The following OXTR variants were observed in gnomAD, a reference collection of about 807,000 sequenced individuals.
OXTR encodes the protein oxytocin receptor.
OXTR carries 19 observed loss-of-function variants against 23.9 expected under a neutral mutation model. The ratio of observed to expected loss-of-function variants is 0.80; its 90% CI spans 0.56 to 1.17. OXTR has a LOEUF of 1.17. Ranked by LOEUF, OXTR falls within the 50% of genes most tolerant of loss-of-function variation. The probability of loss-of-function intolerance (pLI) is 0.00; values close to 1 mark genes in which losing one functional copy is unlikely to be tolerated. For missense variants in OXTR, 500 were observed against 550.7 expected (o/e 0.91, Z 0.92); for synonymous variants, 278 against 250.5 (o/e 1.11, Z -1.04).
In OXTR at chr3:8,752,619, A is replaced by G. The variant is rs201214948; in HGVS notation, c.*358T>C. ...CCAGAACACTGGACTTCCTGACCCA[A>G]TTGGTCACCAATCCTATATTTACCG... is the stretch of plus-strand genomic sequence containing the variant. On this transcript the variant is annotated 3_prime_UTR_variant, in exon 4 of 4. Transcript: ENST00000316793. 6.6e-5 allele frequency: 14 copies of G among 210,866 alleles called. No homozygotes were observed. The East Asian group carries it at 1.6e-3, about 24-fold the overall frequency. The allele number at this position is 210,866 out of a possible 1,614,324, so 13.1% of individuals were successfully genotyped here.
At chr3:8,762,992 T>TG (rs1491148520) in intron 3 of OXTR, among the ~76,000 whole-genome samples, 8 of 152,200 alleles carry the variant, frequency 5.3e-5, no homozygotes, top group African/African-American at 7.2e-5. Flanking sequence ...TATCAATGAC[T>TG]GTGCAGCCTT....
rs1008634492 is a variant in OXTR at position 8,750,760 on chromosome 3, C to T, written c.*2217G>A. The T allele has an allele frequency of 6.6e-6, 1 of 152,214 alleles. No individual in the cohort carries two copies. Among genetic ancestry groups the T allele is most frequent in the Admixed American group, 6.5e-5 (1 of 15,280 alleles). The allele number at this position is 152,214 out of a possible 1,614,324, so 9.4% of individuals were successfully genotyped here. A position where few individuals can be genotyped will look rare whatever the true frequency, so the allele number is the denominator to read the frequency against. Reference sequence around the variant, plus strand: ...AATGTTCCATTGCGTGGACAGACCACATTTTATTTCCCATTCATCAGTTGG... The same window carrying T: ...AATGTTCCATTGCGTGGACAGACCATATTTTATTTCCCATTCATCAGTTGG... On this transcript the variant is annotated 3_prime_UTR_variant, in exon 4 of 4. Transcript: ENST00000316793.
the OXTR span, among the ~76,000 whole-genome samples, chr3:8,742,138 G>A: frequency 2.6e-5 from 4 of 152,168 alleles, no homozygotes; most frequent in Non-Finnish European, 4.4e-5. Context: ...TGCCTGAGCC[G>A]GGCCTTATAA....
At chr3:8,759,541 C>T (rs762029939) in intron 3 of OXTR, among the ~76,000 whole-genome samples, 137 of 152,322 alleles carry the variant, frequency 9.0e-4, no homozygotes, top group Non-Finnish European at 9.3e-4. Flanking sequence ...CCACCGCTGT[C>T]AGTATGTTGG....
In OXTR at chr3:8,753,133, G is replaced by A. The variant is rs781670255; in HGVS notation, c.1014C>T (p.His338=). The A allele has an allele frequency of 8.1e-6, 13 of 1,614,074 alleles. No individual in the cohort carries two copies. Among genetic ancestry groups the A allele is most frequent in the East Asian group, 4.5e-5 (2 of 44,886 alleles). Residue 338 remains histidine, a synonymous_variant, in exon 4 of 4, where the codon CAC becomes CAT. Transcript: ENST00000316793. ...IYMLFTGHLF[H]ELVQRFLCCS... ...AGCACAGGAAGCGCTGCACGAGTTC[G>A]TGGAAGAGGTGGCCCGTGAACAGCA...
chr3:8,769,203 C>G (rs994357449), intron 1 of OXTR, 28 bp downstream of exon 1: 1 of 152,434 alleles, frequency 6.6e-6, no homozygotes, highest in Non-Finnish European at 1.5e-5. Context: ...CTAGCCATCC[C>G]GTCCACCCCT....
At chr3:8,749,567 T>C (rs115964100), downstream of OXTR, among the ~76,000 whole-genome samples, 282 of 152,328 alleles carry the variant, frequency 1.9e-3, 1 homozygote, top group African/African-American at 6.2e-3. Context: ...AGCTCACCAG[T>C]GCTCCAGTAC....
At chr3:8,764,417 C>A (rs889889104) in intron 3 of OXTR, among the ~76,000 whole-genome samples, 1 of 152,340 alleles carries the variant, frequency 6.6e-6, no homozygotes, top group Non-Finnish European at 1.5e-5. Context: ...GATATTTCCG[C>A]ATCTAAATTC....
chr3:8,748,937 T>C (rs1274531941), downstream of OXTR, among the ~76,000 whole-genome samples: 1 of 152,200 alleles, frequency 6.6e-6, no homozygotes, highest in Non-Finnish European at 1.5e-5. Context: ...CCACGTTCAC[T>C]TTTGATGATC....
chr3:8,750,377 G>A (rs1708231019), downstream of OXTR: 1 of 152,114 alleles, frequency 6.6e-6, no homozygotes. Context: ...CCATCAAGCT[G>A]GCCTTCTCTG....
chr3:8,748,501 G>A (rs537087171), downstream of OXTR, among the ~76,000 whole-genome samples: 3 of 152,318 alleles, frequency 2.0e-5, no homozygotes, highest in African/African-American at 7.2e-5. Flanking sequence ...TAACTCTGAA[G>A]CCCTGCAGGG....
At chr3:8,745,417 C>A, downstream of OXTR, 1 of 818,504 alleles carries the variant, frequency 1.2e-6, no homozygotes, top group Non-Finnish European at 2.1e-6. This position sits in a 1 kb window ranked among gnomAD's most constrained non-coding sequence, Gnocchi z 4.8. Context: ...GTCCAGCCAC[C>A]AAGGTTAACC....
At chr3:8,749,717 G>A (rs1298196757), downstream of OXTR, among the ~76,000 whole-genome samples, 1 of 152,178 alleles carries the variant, frequency 6.6e-6, no homozygotes, top group African/African-American at 2.4e-5. Context: ...TTCAGTCTCC[G>A]GGTAGTACTG....
At chr3:8,743,140 G>A in the OXTR span, among the ~76,000 whole-genome samples, 2 of 152,060 alleles carry the variant, frequency 1.3e-5, no homozygotes, top group East Asian at 1.9e-4. Context: ...CATGGTGAAG[G>A]GTCCGCCCCC....
At position 8,768,121 on chromosome 3, in the gene OXTR, C is replaced by G. The variant is rs1222164801; in HGVS notation, c.67G>C (p.Ala23Pro). ...GGTCCGGCGGTGCGGTTGCCCTCGG[C>G]CCCCGGCGGCGCGGCGCTGGCGTTG... ...AANASAAPPG[A>P]EGNRTAGPPR... Residue 23 changes from alanine to proline, a missense_variant, in exon 3 of 4, where the codon GCC becomes CCC. By Grantham distance (27) the Ala-to-Pro change is conservative. Coordinates refer to ENST00000316793, the MANE Select transcript of OXTR (RefSeq NM_000916.4). This position sits in a 1 kb window ranked among gnomAD's most constrained non-coding sequence, Gnocchi z 5.4. 7.3e-7 allele frequency: 1 copy of G among 1,361,922 alleles called. No homozygotes were observed. The highest frequency in any genetic ancestry group is 1.9e-5 in the South Asian group (1 of 53,354). 84.4% of individuals were successfully genotyped at this position (1,361,922 alleles called of 1,614,324 possible).
At chr3:8,766,198 A>C (rs1298913380) in intron 3 of OXTR, among the ~76,000 whole-genome samples, 4 of 152,180 alleles carry the variant, frequency 2.6e-5, no homozygotes, top group African/African-American at 9.7e-5. Context: ...CACCACCAGC[A>C]ATCACCCCCT....
At position 8,752,966 on chromosome 3, in the gene OXTR, T is replaced by C; in HGVS notation, c.*11A>G. ...GAGCCTCAGGCTGCAGCCCTGGCCCTGGCTGGTGGGTCACGCCGTGGATGG... is the reference window on the plus strand; with the variant it reads ...GAGCCTCAGGCTGCAGCCCTGGCCCCGGCTGGTGGGTCACGCCGTGGATGG... On this transcript the variant is annotated 3_prime_UTR_variant, in exon 4 of 4. Coordinates refer to ENST00000316793, the MANE Select transcript of OXTR (RefSeq NM_000916.4). 12 of 1,607,496 alleles carry C rather than the reference T, an allele frequency of 7.5e-6. No individual in the cohort carries two copies. Among genetic ancestry groups the C allele is most frequent in the East Asian group, 2.2e-5 (1 of 44,782 alleles).
chr3:8,767,618 G>C lies in OXTR; in HGVS notation c.570C>G (p.Val190=), dbSNP rs201220637. ...CCTTGGGTCCCCAGGGCTGGATGAA[G>C]ACGGCCCAGCAGTCGAAGACGCCGT... ...VADGVFDCWA[V]FIQPWGPKAY... The change falls in exon 3 of 4, where the codon GTC becomes GTG. Residue 190 remains valine (V), a synonymous_variant. Transcript: ENST00000316793. The C allele has an allele frequency of 6.2e-7, 1 of 1,613,290 alleles. No individual in the cohort carries two copies. Among genetic ancestry groups the C allele is most frequent in the Middle Eastern group, 1.7e-4 (1 of 6,060 alleles).
chr3:8,746,838 G>C (rs1708181399), downstream of OXTR: 1 of 147,128 alleles, frequency 6.8e-6, no homozygotes, highest in African/African-American at 2.7e-5. Context: ...ATCTTCTTTA[G>C]GGCTGTCTTT....
Sources: allele counts gnomAD v4.1 joint callset (sites outside exome capture counted in the v4.1 genomes callset), GRCh38; gene constraint gnomAD v4.1.1; non-coding constraint Gnocchi (gnomAD v3.1); transcripts MANE v1.5; gene names NCBI Gene and HGNC (gene_info 2026-07-23, HGNC 2026-07-21).